PLOD2: variants seen among roughly 807,000 people sequenced by gnomAD.
PLOD2 encodes procollagen-lysine,2-oxoglutarate 5-dioxygenase 2, also known as lysine hydroxylase 2.
Under a neutral mutation model 101.0 loss-of-function variants are expected in PLOD2, and 65 were observed. The observed-to-expected ratio is 0.64, with a 90% CI of 0.53 to 0.79. The LOEUF is 0.79. Among genes scored for constraint, PLOD2 ranks in the 30% least tolerant of loss-of-function variants. The pLI, the probability that PLOD2 is intolerant of heterozygous loss-of-function variation, is 0.00. For synonymous variants in PLOD2, 314 were observed against 302.9 expected, an observed-to-expected ratio of 1.04 and a Z score of -0.38; for missense variants, 909 against 914.6, an observed-to-expected ratio of 0.99 and a Z score of 0.08.
chr3:146,129,752 T>G (rs1344337355), intron 1 of PLOD2, among the ~76,000 whole-genome samples: 1 of 152,114 alleles, frequency 6.6e-6, no homozygotes, highest in Non-Finnish European at 1.5e-5. Context: ...TTTTTAAAAA[T>G]TATGGAAAAA....
chr3:146,117,511 T>C (rs1404069747), intron 3 of PLOD2, among the ~76,000 whole-genome samples: 1 of 152,134 alleles, frequency 6.6e-6, no homozygotes, highest in East Asian at 1.9e-4. Flanking sequence ...AAAAATTTCT[T>C]ATGTGGCTTC....
chr3:146,110,913 T>G (rs1937618595), intron 3 of PLOD2, among the ~76,000 whole-genome samples: 1 of 152,206 alleles, frequency 6.6e-6, no homozygotes. Flanking sequence ...ATGTCATCAA[T>G]GTATGTTTAA....
intron 5 of PLOD2, among the ~76,000 whole-genome samples, chr3:146,104,618 T>C (rs1937505994): frequency 6.6e-6 from 1 of 152,192 alleles, no homozygotes; most frequent in Admixed American, 6.5e-5. Context: ...ATCCAATATA[T>C]ACAGTAAATT....
intron 1 of PLOD2, among the ~76,000 whole-genome samples, chr3:146,126,727 C>T (rs1343978142): frequency 6.6e-6 from 1 of 152,064 alleles, no homozygotes; most frequent in African/African-American, 2.4e-5. Flanking sequence ...TATAAAAAAG[C>T]ATTTGTGAGA....
intron 1 of PLOD2, among the ~76,000 whole-genome samples, chr3:146,140,591 A>G (rs1474794933): frequency 6.6e-6 from 1 of 152,136 alleles, no homozygotes; most frequent in Non-Finnish European, 1.5e-5. Context: ...TCAGAAATAC[A>G]CAATACGCTT....
At chr3:146,076,362 T>A (rs1462890952) in intron 15 of PLOD2, 1 of 156,974 alleles carries the variant, frequency 6.4e-6, no homozygotes, top group Non-Finnish European at 1.4e-5. Flanking sequence ...AACACCTAGT[T>A]TAAGTCCATG....
At chr3:146,125,113 G>A (rs1198891998) in intron 1 of PLOD2, among the ~76,000 whole-genome samples, 1 of 151,918 alleles carries the variant, frequency 6.6e-6, no homozygotes, top group Non-Finnish European at 1.5e-5. Flanking sequence ...GATTTAGAAG[G>A]ACCTACACAC....
chr3:146,085,349 ATT>A, intron 10 of PLOD2, 76 bp from the exon 11 acceptor site: 1 of 768,782 alleles, frequency 1.3e-6, no homozygotes, highest in Non-Finnish European at 2.3e-6. Flanking sequence ...TAATATATAT[ATT>A]CTTTTATGTA....
Position 146,121,147 on chromosome 3 carries a change from A to G in PLOD2, c.303T>C (p.Ala101=). The change falls in exon 3 of 20, where the codon GCT becomes GCC. Residue 101 remains alanine (A), a synonymous_variant. Coordinates refer to ENST00000282903, the MANE Select transcript of PLOD2 (RefSeq NM_182943.3). ...RLMKEVMEHY[A]DQDDLVVMFT... ...ACATGACAACCAGATCATCTTGATC[A>G]GCATAGTGTTCCATGACTTCTTTCA... 6.2e-7 allele frequency: 1 copy of G among 1,608,740 alleles called. No homozygotes were observed. Among genetic ancestry groups the G allele is most frequent in the Non-Finnish European group, 8.5e-7 (1 of 1,175,238 alleles).
rs1936363541 is a variant in PLOD2 at position 146,076,895 on chromosome 3, C to A, written c.1564G>T (p.Gly522Cys). The change falls in exon 15 of 20, where the codon GGT (glycine) becomes TGT (cysteine). Residue 522 changes from glycine (G) to cysteine (C), a missense_variant and splice_region_variant. Physicochemically the swap from Gly to Cys is radical, Grantham distance 159 (BLOSUM62 -3). Coordinates refer to ENST00000282903, the MANE Select transcript of PLOD2 (RefSeq NM_182943.3). Reference sequence around the variant, plus strand: ...CTATTAGAAATGTACATAAATACACCCTATATGCCAGAAAATAACAGTATT... The same window carrying A: ...CTATTAGAAATGTACATAAATACACACTATATGCCAGAAAATAACAGTATT... ...ETFQMLSPPK[G>C]VFMYISNRHE... is the part of the protein sequence containing the mutation. 2.0e-6 allele frequency: 3 copies of A among 1,509,956 alleles called. No homozygotes were observed. Among genetic ancestry groups the A allele is most frequent in the East Asian group, 2.3e-5 (1 of 44,042 alleles). The allele number at this position is 1,509,956 out of a possible 1,614,324, so 93.5% of individuals were successfully genotyped here.
chr3:146,092,673 T>A (rs1937016328), intron 7 of PLOD2, among the ~76,000 whole-genome samples: 1 of 151,962 alleles, frequency 6.6e-6, no homozygotes. Flanking sequence ...AAAAAAAAAA[T>A]TCTGTGCTCT....
chr3:146,133,487 C>A lies in PLOD2; in HGVS notation c.110-9258G>T, dbSNP rs2031046453. 2.0e-5 allele frequency among the ~76,000 whole-genome samples: 3 copies of A among 152,146 alleles called. No individual in the cohort carries two copies. In the South Asian group the frequency reaches 6.2e-4, roughly 32 times the overall value. ...TAAATCCCACAGGCCCTCATCACCC[C>A]TATACCTCTCTACTTCTGCGTCTCA... On this transcript the variant is annotated intron_variant, in intron 1 of 19. Coordinates refer to ENST00000282903, the MANE Select transcript of PLOD2 (RefSeq NM_182943.3).
chr3:146,111,474 ATCC>A (rs1488241926), intron 3 of PLOD2, among the ~76,000 whole-genome samples: 2 of 152,162 alleles, frequency 1.3e-5, no homozygotes, highest in Non-Finnish European at 2.9e-5. Flanking sequence ...TAGTATCTAT[ATCC>A]TCAAGTTATA....
intron 15 of PLOD2, among the ~76,000 whole-genome samples, chr3:146,074,859 G>A (rs1324380245): frequency 1.3e-5 from 2 of 151,474 alleles, no homozygotes; most frequent in Non-Finnish European, 3.0e-5. Flanking sequence ...TTTGCTATGG[G>A]GTATCCCTCA....
chr3:146,082,568 T>C (rs1326069539), intron 11 of PLOD2, among the ~76,000 whole-genome samples: 1 of 152,022 alleles, frequency 6.6e-6, no homozygotes, highest in Non-Finnish European at 1.5e-5. Flanking sequence ...AGCCGGGCCC[T>C]TTCTATTACA....
At chr3:146,154,582 C>A (rs1158291555) in intron 1 of PLOD2, among the ~76,000 whole-genome samples, 2 of 151,864 alleles carry the variant, frequency 1.3e-5, no homozygotes, top group Non-Finnish European at 2.9e-5. Context: ...CAAACCTATA[C>A]AAACTAAACT....
intron 12 of PLOD2, among the ~76,000 whole-genome samples, 173 bp downstream of exon 12, chr3:146,081,565 T>A (rs1469704308): frequency 4.6e-5 from 7 of 152,166 alleles, no homozygotes; most frequent in African/African-American, 1.7e-4. Flanking sequence ...AACATTTTTT[T>A]AAGATATTAG....
chr3:146,159,856 CACTT>C (rs2032486281), intron 1 of PLOD2, among the ~76,000 whole-genome samples: 2 of 152,304 alleles, frequency 1.3e-5, no homozygotes, highest in Middle Eastern at 3.4e-3. Flanking sequence ...CTTTCTGAAA[CACTT>C]AAAGATGAAG....
chr3:146,119,443 CTCT>C (rs1474069948), intron 3 of PLOD2, among the ~76,000 whole-genome samples: 7 of 110,064 alleles, frequency 6.4e-5, no homozygotes, highest in Admixed American at 8.7e-5. Flanking sequence ...CTACTTTTGC[CTCT>C]TTTTTTTTAT....
Sources: gnomAD v4.1 joint callset for allele counts (sites outside exome capture counted in the v4.1 genomes callset) on GRCh38, gnomAD v4.1.1 for gene constraint, MANE v1.5 for transcripts, NCBI Gene and HGNC (gene_info 2026-07-23, HGNC 2026-07-21) for gene names.